The following XKR8 variants were observed in gnomAD, a reference collection of about 807,000 sequenced individuals.
XKR8 encodes XK related 8.
A neutral mutation model predicts 17.1 loss-of-function variants in XKR8; 10 were observed. The observed-to-expected ratio is 0.59, with a 90% confidence interval of 0.36 to 0.99. The LOEUF is 0.99. Ranked by LOEUF, XKR8 falls within the 50% of genes least tolerant of loss-of-function variation. The pLI is 0.01. For missense variants in XKR8, 411 were observed against 515.6 expected, an observed-to-expected ratio of 0.80 and a Z score of 1.96; for synonymous variants, 213 against 251.9, an observed-to-expected ratio of 0.85 and a Z score of 1.46.
rs1441198560 is a variant in XKR8, at chr1:27,968,054, C to A, written c.*854C>A. 6.6e-6 allele frequency: 1 copy of A among 152,654 alleles called. No individual in the cohort carries two copies. The highest frequency in any genetic ancestry group is 1.5e-5 in the Non-Finnish European group (1 of 68,054). 9.5% of individuals were successfully genotyped at this position (152,654 alleles called of 1,614,324 possible). ...CAAGTGACAGATGTGTTGTTTTCAACAGTATTATTAGGTTATGAATAAAGC... is the reference window on the plus strand; with the variant it reads ...CAAGTGACAGATGTGTTGTTTTCAAAAGTATTATTAGGTTATGAATAAAGC... On this transcript the variant is annotated 3_prime_UTR_variant, in exon 3 of 3. Transcript: ENST00000373884.
rs540252989 is a variant in XKR8, at chr1:27,966,771, G to A, written c.759G>A (p.Pro253=). The A allele has an allele frequency of 1.7e-5, 28 of 1,613,870 alleles. No homozygotes were observed. The highest frequency in any genetic ancestry group is 3.3e-5 in the Admixed American group (2 of 60,012). ...WVWLQGTDFM[P]DPSSEWLYRV... Reference sequence around the variant, plus strand: ...GGCTTCAGGGCACAGACTTCATGCCGGACCCCAGCTCCGAGTGGCTGTACC... The same window carrying A: ...GGCTTCAGGGCACAGACTTCATGCCAGACCCCAGCTCCGAGTGGCTGTACC... Residue 253 remains proline (P), a synonymous_variant, in exon 3 of 3, where the codon CCG becomes CCA. Transcript: ENST00000373884. This position sits in a 1 kb window ranked among gnomAD's most constrained non-coding sequence, Gnocchi z 4.3.
At position 27,966,574 on chromosome 1, in the gene XKR8, T is replaced by C. The variant is rs755322096; in HGVS notation, c.562T>C (p.Cys188Arg). The change falls in exon 3 of 3, where the codon TGC becomes CGC. Residue 188 changes from cysteine to arginine, a missense_variant. Physicochemically the swap from Cys to Arg is radical, Grantham distance 180. Coordinates refer to ENST00000373884, the MANE Select transcript of XKR8 (RefSeq NM_018053.4). This position sits in a 1 kb window ranked among gnomAD's most constrained non-coding sequence, Gnocchi z 4.3. ...LLDYHRALRT[C>R]LPSKPLLGLG... ...CGACTACCACCGGGCCTTGCGCACC[T>C]GCCTCCCCTCCAAGCCGCTCCTGGG... is the stretch of plus-strand genomic sequence containing the variant. 6.2e-7 allele frequency: 1 copy of C among 1,614,116 alleles called. No homozygotes were observed. Among genetic ancestry groups the C allele is most frequent in the East Asian group, 2.2e-5 (1 of 44,874 alleles).
At chr1:27,962,781 A>G (rs1405141258) in intron 1 of XKR8, among the ~76,000 whole-genome samples, 1 of 151,492 alleles carries the variant, frequency 6.6e-6, no homozygotes, top group Non-Finnish European at 1.5e-5. Context: ...CTTTGTAGAG[A>G]TGGGGCTTGC....
chr1:27,960,047 G>T lies in XKR8; in HGVS notation c.-23G>T, dbSNP rs1012443178. On this transcript the variant is annotated 5_prime_UTR_variant, in exon 1 of 3. Transcript: ENST00000373884. This position sits in a 1 kb window ranked among gnomAD's most constrained non-coding sequence, Gnocchi z 5.9. ...GCAGGCCCCAACCGCGGAGGAGCAG[G>T]AGAGGGCGGAGGCCGGCGGGCCATG... is the stretch of plus-strand genomic sequence containing the variant. 1 of 1,408,234 alleles carries T rather than the reference G, an allele frequency of 7.1e-7. No homozygotes were observed. The highest frequency in any genetic ancestry group is 1.5e-5 in the African/African-American group (1 of 66,298). The allele number at this position is 1,408,234 out of a possible 1,614,324, so 87.2% of individuals were successfully genotyped here.
rs759253565 is a variant in XKR8, at chr1:27,963,714, G to C, written c.490+21G>C. ...CCAGTGTGAGTGAAGGCCTGTGGCT[G>C]GCCCCCCTGTCGTGGCTTGGTGGGG... On this transcript the variant is annotated intron_variant, in intron 2 of 2. Transcript: ENST00000373884. 4.0e-6 allele frequency: 6 copies of C among 1,513,314 alleles called. No homozygotes were observed. In the South Asian group the frequency reaches 6.3e-5, roughly 16 times the overall value. 93.7% of individuals were successfully genotyped at this position (1,513,314 alleles called of 1,614,324 possible). A position where few individuals can be genotyped will look rare whatever the true frequency, so the allele number is the denominator to read the frequency against.
Position 27,960,041 on chromosome 1 carries a change from G to A in XKR8, c.-29G>A. On this transcript the variant is annotated 5_prime_UTR_variant, in exon 1 of 3. Transcript: ENST00000373884. The surrounding 1 kb of genome is among the most constrained non-coding windows in gnomAD (Gnocchi z 5.9). ...CTGAGGGCAGGCCCCAACCGCGGAG[G>A]AGCAGGAGAGGGCGGAGGCCGGCGG... 1 of 1,397,770 alleles carries A rather than the reference G, an allele frequency of 7.2e-7. No individual in the cohort carries two copies. Among genetic ancestry groups the A allele is most frequent in the Non-Finnish European group, 9.2e-7 (1 of 1,081,318 alleles). 86.6% of individuals were successfully genotyped at this position (1,397,770 alleles called of 1,614,324 possible).
At chr1:27,964,023 C>T (rs555041823) in intron 2 of XKR8, among the ~76,000 whole-genome samples, 8 of 152,272 alleles carry the variant, frequency 5.3e-5, no homozygotes, top group Admixed American at 1.3e-4. Context: ...ACTCTGTCAT[C>T]GCCCGTAGTG....
intron 2 of XKR8, among the ~76,000 whole-genome samples, chr1:27,964,915 G>A (rs907135530): frequency 2.0e-5 from 3 of 152,124 alleles, no homozygotes; most frequent in South Asian, 2.1e-4. Flanking sequence ...ACCGTCACTC[G>A]CTGTGTGACC....
At position 27,960,417 on chromosome 1, in the gene XKR8, C is replaced by T; in HGVS notation, c.293+55C>T. 1.5e-6 allele frequency: 2 copies of T among 1,349,890 alleles called. No individual in the cohort carries two copies. The highest frequency in any genetic ancestry group is 1.9e-6 in the Non-Finnish European group (2 of 1,054,580). 83.6% of individuals were successfully genotyped at this position (1,349,890 alleles called of 1,614,324 possible). ...TGTCGGAGCCCAGCACCTCCGTCAG[C>T]TGGGTCACCTGTACAGGTGACACGC... On this transcript the variant is annotated intron_variant, in intron 1 of 2. Transcript: ENST00000373884. This position sits in a 1 kb window ranked among gnomAD's most constrained non-coding sequence, Gnocchi z 5.9.
In XKR8 at chr1:27,960,232, C is replaced by G; in HGVS notation, c.163C>G (p.Leu55Val). The change falls in exon 1 of 3, where the codon CTG becomes GTG. Residue 55 changes from leucine (L) to valine (V), a missense_variant. Transcript: ENST00000373884. This position sits in a 1 kb window ranked among gnomAD's most constrained non-coding sequence, Gnocchi z 5.9. ...WAALVLALLG[L>V]ASVALQLFSW... ...GGCGCTGGTGCTGGCGCTGCTGGGC[C>G]TGGCCTCCGTGGCGCTGCAGCTCTT... The G allele has an allele frequency of 6.5e-7, 1 of 1,527,060 alleles. No homozygotes were observed. The highest frequency in any genetic ancestry group is 8.7e-7 in the Non-Finnish European group (1 of 1,143,880). 94.6% of individuals were successfully genotyped at this position (1,527,060 alleles called of 1,614,324 possible). A position where few individuals can be genotyped will look rare whatever the true frequency, so the allele number is the denominator to read the frequency against.
rs929690219 is a variant in XKR8 at position 27,965,252 on chromosome 1, A to G, written c.491-1251A>G. Among the ~76,000 whole-genome samples, 1 of 152,110 alleles carries G rather than the reference A, an allele frequency of 6.6e-6. No homozygotes were observed. Among genetic ancestry groups the G allele is most frequent in the Admixed American group, 6.5e-5 (1 of 15,274 alleles). On this transcript the variant is annotated intron_variant, in intron 2 of 2. Transcript: ENST00000373884. The surrounding 1 kb of genome is among the most constrained non-coding windows in gnomAD (Gnocchi z 4.1). ...TGTCTAGAACCAGGGCCAAGTGCAG[A>G]CAGTCTGCACTGTGAGTGTGGCAGG...
chr1:27,962,726 G>A (rs888544193), intron 1 of XKR8, among the ~76,000 whole-genome samples: 6 of 151,858 alleles, frequency 4.0e-5, no homozygotes, highest in Admixed American at 3.3e-4. Context: ...TGAGTAGCTT[G>A]GACTACAGGC....
rs886402382 is a variant in XKR8, at chr1:27,960,011, G to A, written c.-59G>A. ...ACCTCCTTCCTGCCTCGGCAACCCC[G>A]GGCCCTGAGGGCAGGCCCCAACCGC... On this transcript the variant is annotated 5_prime_UTR_variant, in exon 1 of 3. Coordinates refer to ENST00000373884, the MANE Select transcript of XKR8 (RefSeq NM_018053.4). The surrounding 1 kb of genome is among the most constrained non-coding windows in gnomAD (Gnocchi z 5.9). 34 of 1,343,560 alleles carry A rather than the reference G, an allele frequency of 2.5e-5. No homozygotes were observed. Among genetic ancestry groups the A allele is most frequent in the Non-Finnish European group, 3.0e-5 (32 of 1,049,690 alleles). The allele number at this position is 1,343,560 out of a possible 1,614,324, so 83.2% of individuals were successfully genotyped here. A position where few individuals can be genotyped will look rare whatever the true frequency, so the allele number is the denominator to read the frequency against.
At position 27,960,172 on chromosome 1, in the gene XKR8, G is replaced by A; in HGVS notation, c.103G>A (p.Val35Ile). Residue 35 changes from valine (V) to isoleucine (I), a missense_variant, in exon 1 of 3, where the codon GTC (valine) becomes ATC (isoleucine). Transcript: ENST00000373884. The surrounding 1 kb of genome is among the most constrained non-coding windows in gnomAD (Gnocchi z 5.9). ...LDLGTDLWAA[V>I]QYALGGRYLW... Reference sequence around the variant, plus strand: ...CCTGGGCACCGACCTGTGGGCCGCCGTCCAGTATGCGCTCGGCGGCCGCTA... The same window carrying A: ...CCTGGGCACCGACCTGTGGGCCGCCATCCAGTATGCGCTCGGCGGCCGCTA... The A allele has an allele frequency of 6.5e-7, 1 of 1,527,554 alleles. No individual in the cohort carries two copies. The highest frequency in any genetic ancestry group is 8.7e-7 in the Non-Finnish European group (1 of 1,144,086). The allele number at this position is 1,527,554 out of a possible 1,614,324, so 94.6% of individuals were successfully genotyped here.
At chr1:27,962,303 G>A (rs1295892876) in intron 1 of XKR8, among the ~76,000 whole-genome samples, 2 of 152,178 alleles carry the variant, frequency 1.3e-5, no homozygotes, top group Admixed American at 6.5e-5. Flanking sequence ...GTCAGGCTTG[G>A]TGGCTCATGC....
In XKR8 at chr1:27,966,927, T is replaced by TCATA. The variant is rs1257075766; in HGVS notation, c.916_919dup (p.Ser307ThrfsTer2). 1.9e-6 allele frequency: 3 copies of TCATA among 1,614,194 alleles called. No individual in the cohort carries two copies. Among genetic ancestry groups the TCATA allele is most frequent in the Non-Finnish European group, 1.7e-6 (2 of 1,180,028 alleles). Reference sequence around the variant, plus strand: ...TTCTCCTGGTGGCCACCTGGGTGACTCATAGCTCCTGGCTGCCCAGCGGGA... The same window carrying TCATA: ...TTCTCCTGGTGGCCACCTGGGTGACTCATACATAGCTCCTGGCTGCCCAGCGGGA... On this transcript the variant is annotated frameshift_variant, in exon 3 of 3. Transcript: ENST00000373884. LOFTEE classifies it low-confidence loss of function (END_TRUNC). The surrounding 1 kb of genome is among the most constrained non-coding windows in gnomAD (Gnocchi z 4.3).
chr1:27,964,156 CTTTCTTT>C (rs1262082819), intron 2 of XKR8: 13 of 115,066 alleles, frequency 1.1e-4, no homozygotes, highest in African/African-American at 3.8e-4. Context: ...GCTAATTTTT[CTTTCTTT>C]TTTTTTTTTT....
Position 27,966,110 on chromosome 1 carries a change from T to C in XKR8, c.491-393T>C, listed in dbSNP as rs1177371429. ...ACTAAGAAAGACGGAACTGAGACTGTTGATTTTTAGACACAAGGAAGGCTT... is the reference window on the plus strand; with the variant it reads ...ACTAAGAAAGACGGAACTGAGACTGCTGATTTTTAGACACAAGGAAGGCTT... On this transcript the variant is annotated intron_variant, in intron 2 of 2. Coordinates refer to ENST00000373884, the MANE Select transcript of XKR8 (RefSeq NM_018053.4). The surrounding 1 kb of genome is among the most constrained non-coding windows in gnomAD (Gnocchi z 4.3). 6.6e-6 allele frequency among the ~76,000 whole-genome samples: 1 copy of C among 152,070 alleles called. No individual in the cohort carries two copies. The highest frequency in any genetic ancestry group is 2.4e-5 in the African/African-American group (1 of 41,406).
At position 27,966,096 on chromosome 1, in the gene XKR8, C is replaced by T. The variant is rs767468681; in HGVS notation, c.491-407C>T. On this transcript the variant is annotated intron_variant, in intron 2 of 2. Coordinates refer to ENST00000373884, the MANE Select transcript of XKR8 (RefSeq NM_018053.4). The surrounding 1 kb of genome is among the most constrained non-coding windows in gnomAD (Gnocchi z 4.3). ...ACTCCCTTTTTGAGACTAAGAAAGA[C>T]GGAACTGAGACTGTTGATTTTTAGA... is the stretch of plus-strand genomic sequence containing the variant. 4.6e-5 allele frequency among the ~76,000 whole-genome samples: 7 copies of T among 152,072 alleles called. No individual in the cohort carries two copies. The highest frequency in any genetic ancestry group is 8.8e-5 in the Non-Finnish European group (6 of 68,000).
Sources: gnomAD v4.1 joint callset for allele counts (sites outside exome capture counted in the v4.1 genomes callset) on GRCh38, gnomAD v4.1.1 for gene constraint, Gnocchi (gnomAD v3.1) non-coding constraint, MANE v1.5 for transcripts, NCBI Gene and HGNC (gene_info 2026-07-23, HGNC 2026-07-21) for gene names.